KIAA1328: variants seen among roughly 807,000 people sequenced by gnomAD.
The protein encoded by KIAA1328 is protein hinderin.
Under a neutral mutation model 68.1 loss-of-function variants are expected in KIAA1328, and 52 were observed. The ratio of observed to expected loss-of-function variants is 0.76; its 90% CI spans 0.61 to 0.96. The LOEUF (loss-of-function observed/expected upper bound fraction) is 0.96. KIAA1328 is among the 40% of genes least tolerant of loss of function. The probability of loss-of-function intolerance (pLI) is 0.00; values close to 1 mark genes in which losing one functional copy is unlikely to be tolerated. For missense variants in KIAA1328, 641 were observed against 677.6 expected, an observed-to-expected ratio of 0.95 and a Z score of 0.60; for synonymous variants, 232 against 239.4, an observed-to-expected ratio of 0.97 and a Z score of 0.28.
At chr18:36,939,944 T>TTAAC (rs1373014392) in intron 5 of KIAA1328, among the ~76,000 whole-genome samples, 1 of 152,180 alleles carries the variant, frequency 6.6e-6, no homozygotes, top group Non-Finnish European at 1.5e-5. Context: ...TTTTTAGGAA[T>TTAAC]TAACATTTAG....
intron 6 of KIAA1328, among the ~76,000 whole-genome samples, chr18:37,025,076 G>A (rs1196532027): frequency 6.6e-6 from 1 of 152,146 alleles, no homozygotes; most frequent in African/African-American, 2.4e-5. Flanking sequence ...CATTCTAACT[G>A]GTATGAGATG....
At chr18:36,846,956 C>T (rs770918304) in intron 4 of KIAA1328, among the ~76,000 whole-genome samples, 3 of 151,366 alleles carry the variant, frequency 2.0e-5, no homozygotes, top group Non-Finnish European at 3.0e-5. Flanking sequence ...CCCTCTTGCC[C>T]CTAGTAATCA....
chr18:36,970,566 G>A (rs1019889171), intron 6 of KIAA1328, among the ~76,000 whole-genome samples: 2 of 152,152 alleles, frequency 1.3e-5, no homozygotes, highest in South Asian at 2.1e-4. Context: ...CATTGTCTGA[G>A]CCTAAAATCT....
intron 7 of KIAA1328, among the ~76,000 whole-genome samples, chr18:37,111,832 G>T (rs1009364866): frequency 6.6e-6 from 1 of 152,160 alleles, no homozygotes; most frequent in South Asian, 2.1e-4. Context: ...CTAACATTGC[G>T]CTTTCCCAAC....
At chr18:37,051,740 C>T (rs906313838) in intron 6 of KIAA1328, among the ~76,000 whole-genome samples, 2 of 152,046 alleles carry the variant, frequency 1.3e-5, no homozygotes, top group African/African-American at 4.8e-5. Context: ...GGCAAAGACA[C>T]AATAAATAAG....
intron 4 of KIAA1328, among the ~76,000 whole-genome samples, chr18:36,870,221 C>G (rs2047900079): frequency 6.6e-6 from 1 of 152,042 alleles, no homozygotes; most frequent in Non-Finnish European, 1.5e-5. Context: ...AATTAGTGAT[C>G]CTTTGCTCTG....
At chr18:37,221,401 T>A (rs948443793) in intron 9 of KIAA1328, among the ~76,000 whole-genome samples, 4 of 152,196 alleles carry the variant, frequency 2.6e-5, no homozygotes, top group Non-Finnish European at 5.9e-5. Flanking sequence ...CTGAATAACT[T>A]CCCCAATATT....
chr18:36,981,039 T>G (rs1336257790), intron 6 of KIAA1328, among the ~76,000 whole-genome samples: 24 of 152,170 alleles, frequency 1.6e-4, no homozygotes, highest in Admixed American at 1.6e-3. Flanking sequence ...AAAACTTAAT[T>G]GGTGAGGAAC....
chr18:37,206,336 G>A (rs1395326672), intron 9 of KIAA1328, among the ~76,000 whole-genome samples: 1 of 152,176 alleles, frequency 6.6e-6, no homozygotes, highest in Non-Finnish European at 1.5e-5. Context: ...AGGACAGAAA[G>A]AGTAGCCCTA....
intron 7 of KIAA1328, chr18:37,075,492 T>A (rs1235895649): frequency 2.0e-5 from 3 of 152,176 alleles, no homozygotes; most frequent in Admixed American, 2.0e-4. Flanking sequence ...ATATTAACTT[T>A]AAATGTAAAT....
chr18:36,948,261 G>GTTTTTTTT (rs1167822236), intron 5 of KIAA1328, among the ~76,000 whole-genome samples: 42 of 115,742 alleles, frequency 3.6e-4, no homozygotes, highest in African/African-American at 3.8e-4. Flanking sequence ...TTTGTCTTTT[G>GTTTTTTTT]TTTTTTTTTT....
At chr18:36,886,570 T>A (rs1409910414) in intron 5 of KIAA1328, among the ~76,000 whole-genome samples, 3 of 149,762 alleles carry the variant, frequency 2.0e-5, no homozygotes, top group Non-Finnish European at 4.5e-5. Flanking sequence ...AGTAAAAACA[T>A]ATTTTAGGGG....
intron 5 of KIAA1328, among the ~76,000 whole-genome samples, chr18:36,928,017 C>T (rs1275717047): frequency 2.6e-5 from 4 of 152,068 alleles, no homozygotes; most frequent in African/African-American, 7.2e-5. Flanking sequence ...TTTTCTATGG[C>T]GTAGAAAGCA....
chr18:36,949,532 G>A (rs934430250), intron 5 of KIAA1328, among the ~76,000 whole-genome samples: 6 of 150,392 alleles, frequency 4.0e-5, no homozygotes, highest in African/African-American at 1.2e-4. Context: ...AATCCATAGG[G>A]TCTAATGACC....
intron 6 of KIAA1328, among the ~76,000 whole-genome samples, chr18:37,017,292 T>G (rs1201916473): frequency 6.6e-6 from 1 of 152,176 alleles, no homozygotes; most frequent in Non-Finnish European, 1.5e-5. Flanking sequence ...GATATTATAA[T>G]AATTTCTATT....
At chr18:37,102,339 A>T (rs2057646369) in intron 7 of KIAA1328, among the ~76,000 whole-genome samples, 1 of 152,200 alleles carries the variant, frequency 6.6e-6, no homozygotes, top group Non-Finnish European at 1.5e-5. Context: ...ATACCTGGGT[A>T]GTGGGATGAT....
intron 7 of KIAA1328, among the ~76,000 whole-genome samples, chr18:37,146,550 C>T (rs2058907113): frequency 6.6e-6 from 1 of 152,188 alleles, no homozygotes; most frequent in Non-Finnish European, 1.5e-5. Context: ...CATTGGCATG[C>T]ATGTGTCTTT....
At chr18:37,229,778 C>G (rs191109221), downstream of KIAA1328, 309 of 203,944 alleles carry the variant, frequency 1.5e-3, 2 homozygotes, top group African/African-American at 7.1e-3. Context: ...CCCGGCTACT[C>G]AGGAGGCTGA....
At chr18:36,834,075 G>A in intron 1 of KIAA1328, 1 of 497,064 alleles carries the variant, frequency 2.0e-6, no homozygotes, top group Non-Finnish European at 3.0e-6. Context: ...TTTATAAGAT[G>A]TGTAGTTGTG....
Sources: allele counts gnomAD v4.1 joint callset (sites outside exome capture counted in the v4.1 genomes callset), GRCh38; gene constraint gnomAD v4.1.1; transcripts MANE v1.5; gene names NCBI Gene and HGNC (gene_info 2026-07-23, HGNC 2026-07-21).